The following FSTL4 variants were observed in gnomAD, a reference collection of about 807,000 sequenced individuals.
The protein encoded by FSTL4 is follistatin like 4.
FSTL4 carries 28 observed loss-of-function variants against 78.2 expected under a neutral mutation model. The ratio of observed to expected loss-of-function variants is 0.36; its 90% CI spans 0.27 to 0.49. The LOEUF is 0.49. Among genes scored for constraint, FSTL4 ranks in the 20% least tolerant of loss-of-function variants. The pLI is 0.98. For missense variants in FSTL4, 922 were observed against 1,084.9 expected, an observed-to-expected ratio of 0.85 and a Z score of 2.11; for synonymous variants, 422 against 440.5, an observed-to-expected ratio of 0.96 and a Z score of 0.53.
the FSTL4 span, among the ~76,000 whole-genome samples, chr5:133,811,608 G>A: frequency 1.4e-4 from 22 of 152,282 alleles, no homozygotes; most frequent in Non-Finnish European, 2.4e-4. Context: ...CACCACACAG[G>A]GCTAAGGAGT....
chr5:133,747,102 C>G, the FSTL4 span, among the ~76,000 whole-genome samples: 1 of 152,150 alleles, frequency 6.6e-6, no homozygotes, highest in South Asian at 2.1e-4. Context: ...GGCCTCATGC[C>G]ACCCCGCCTG....
At chr5:133,593,580 C>A (rs948758276) in intron 2 of FSTL4, among the ~76,000 whole-genome samples, 2 of 152,104 alleles carry the variant, frequency 1.3e-5, no homozygotes, top group African/African-American at 4.8e-5. Flanking sequence ...CCAGGACAAA[C>A]CTGTGATACC....
the FSTL4 span, among the ~76,000 whole-genome samples, chr5:133,789,836 T>G: frequency 1.3e-5 from 2 of 152,314 alleles, no homozygotes; most frequent in African/African-American, 4.8e-5. Context: ...ATGAATTTTA[T>G]TGGATTAGGG....
intron 6 of FSTL4, among the ~76,000 whole-genome samples, chr5:133,306,055 G>A (rs1478354842): frequency 6.6e-6 from 1 of 152,264 alleles, no homozygotes; most frequent in Admixed American, 6.5e-5. Flanking sequence ...TGTGGCTGAC[G>A]GTTTTGCTCC....
the FSTL4 span, among the ~76,000 whole-genome samples, chr5:133,664,181 G>A: frequency 1.3e-5 from 2 of 152,176 alleles, no homozygotes; most frequent in East Asian, 1.9e-4. Flanking sequence ...AAATGATCAC[G>A]TGTCAAGGAG....
chr5:133,260,783 G>C (rs979868429), intron 6 of FSTL4, among the ~76,000 whole-genome samples: 5 of 152,228 alleles, frequency 3.3e-5, no homozygotes, highest in African/African-American at 1.2e-4. Flanking sequence ...TTGTTGGAAG[G>C]GCAGGGGCAC....
intron 4 of FSTL4, among the ~76,000 whole-genome samples, chr5:133,383,810 T>G (rs879564373): frequency 6.6e-6 from 1 of 152,180 alleles, no homozygotes; most frequent in Non-Finnish European, 1.5e-5. Context: ...AGGCGTGCAT[T>G]TCTCAGACAA....
At chr5:133,497,826 G>A (rs773108116) in intron 3 of FSTL4, among the ~76,000 whole-genome samples, 2 of 152,200 alleles carry the variant, frequency 1.3e-5, no homozygotes, top group African/African-American at 4.8e-5. Context: ...TTCTAAGTAG[G>A]AGATGCTCTC....
chr5:133,321,897 G>A (rs1754066658), intron 4 of FSTL4, among the ~76,000 whole-genome samples: 1 of 152,254 alleles, frequency 6.6e-6, no homozygotes, highest in African/African-American at 2.4e-5. Context: ...TCATGAGTGG[G>A]CAGGACCGCC....
the FSTL4 span, among the ~76,000 whole-genome samples, chr5:133,675,720 C>T: frequency 1.3e-5 from 2 of 152,292 alleles, no homozygotes; most frequent in South Asian, 4.1e-4. Context: ...AAAATATGTC[C>T]TTGTGACCAC....
At chr5:133,233,261 T>C (rs1751549458) in intron 8 of FSTL4, among the ~76,000 whole-genome samples, 156 bp downstream of exon 8, 3 of 152,266 alleles carry the variant, frequency 2.0e-5, no homozygotes. Flanking sequence ...GACTTTGCCC[T>C]TTCCACACGG....
chr5:133,269,039 G>A (rs1380148359), intron 6 of FSTL4, among the ~76,000 whole-genome samples: 2 of 151,972 alleles, frequency 1.3e-5, no homozygotes, highest in South Asian at 4.2e-4. Flanking sequence ...AAAATTAGCC[G>A]GGCATGGTGG....
the FSTL4 span, among the ~76,000 whole-genome samples, chr5:133,724,900 G>GAAGTA: frequency 1.3e-5 from 2 of 152,198 alleles, no homozygotes; most frequent in African/African-American, 4.8e-5. Flanking sequence ...TGCATGGCAT[G>GAAGTA]AAGTAAAAGT....
Position 133,245,323 on chromosome 5 carries a change from C to T in FSTL4, c.894+4087G>A, listed in dbSNP as rs1463861807. 1.6e-4 allele frequency among the ~76,000 whole-genome samples: 24 copies of T among 152,228 alleles called. No homozygotes were observed. In the East Asian group the frequency reaches 4.6e-3, roughly 29 times the overall value. On this transcript the variant is annotated intron_variant, in intron 7 of 15. Coordinates refer to ENST00000265342, the MANE Select transcript of FSTL4 (RefSeq NM_015082.2). ...TTCTGGACCCTCTGTTATGTGAACT[C>T]CCTCTTGGATGCATGTTTAATCTTA...
chr5:133,487,492 A>G (rs539704256), intron 3 of FSTL4, among the ~76,000 whole-genome samples: 2 of 152,168 alleles, frequency 1.3e-5, no homozygotes, highest in South Asian at 2.1e-4. Context: ...CTGTTCATCA[A>G]TCTCTGTGAC....
the FSTL4 span, among the ~76,000 whole-genome samples, chr5:133,771,780 A>C: frequency 6.6e-6 from 1 of 152,168 alleles, no homozygotes; most frequent in Non-Finnish European, 1.5e-5. Flanking sequence ...AATTCTTTAG[A>C]AATTAAAGAT....
At chr5:133,434,631 G>T (rs529361643) in intron 3 of FSTL4, among the ~76,000 whole-genome samples, 1 of 152,218 alleles carries the variant, frequency 6.6e-6, no homozygotes, top group East Asian at 1.9e-4. Flanking sequence ...TAAATTGCCT[G>T]AAGTGGAATT....
intron 2 of FSTL4, among the ~76,000 whole-genome samples, chr5:133,568,143 G>A (rs1760068869): frequency 1.3e-5 from 2 of 152,158 alleles, no homozygotes; most frequent in South Asian, 4.1e-4. Context: ...AGCTCTAGAA[G>A]AATGAAAAGT....
intron 4 of FSTL4, among the ~76,000 whole-genome samples, chr5:133,341,574 C>T (rs1344439945): frequency 6.6e-6 from 1 of 152,140 alleles, no homozygotes; most frequent in East Asian, 1.9e-4. Context: ...CCCTCTCTGT[C>T]TGGTGCTCTT....
Sources: gnomAD v4.1 joint callset for allele counts (sites outside exome capture counted in the v4.1 genomes callset) on GRCh38, gnomAD v4.1.1 for gene constraint, MANE v1.5 for transcripts, NCBI Gene and HGNC (gene_info 2026-07-23, HGNC 2026-07-21) for gene names.